Variants in CECR2 observed in about 807,000 individuals in gnomAD.
CECR2 encodes chromatin remodeling regulator CECR2.
Under a neutral mutation model 154.5 loss-of-function variants are expected in CECR2, and 30 were observed. The observed-to-expected ratio is 0.19, with a 90% CI of 0.15 to 0.26. The LOEUF (loss-of-function observed/expected upper bound fraction) is 0.26, where lower values mean the gene tolerates loss of function less well. Ranked by LOEUF, CECR2 falls within the 10% of genes least tolerant of loss-of-function variation. The probability of loss-of-function intolerance (pLI) is 1.00; values close to 1 mark genes in which losing one functional copy is unlikely to be tolerated. For synonymous variants in CECR2, 725 were observed against 683.7 expected (o/e 1.06, Z -0.94); for missense variants, 1,743 against 1,829.3 (o/e 0.95, Z 0.86).
At chr22:17,492,103 T>G (rs2055543373) in intron 2 of CECR2, among the ~76,000 whole-genome samples, 1 of 152,224 alleles carries the variant, frequency 6.6e-6, no homozygotes, top group African/African-American at 2.4e-5. Context: ...ACCAGAATAT[T>G]TATCTCAATT....
chr22:17,452,525 T>C (rs2054787867), intron 1 of CECR2, among the ~76,000 whole-genome samples: 2 of 152,156 alleles, frequency 1.3e-5, no homozygotes, highest in South Asian at 2.1e-4. Flanking sequence ...AAGGTGGATT[T>C]GCTGGACTGG....
intron 2 of CECR2, among the ~76,000 whole-genome samples, chr22:17,485,557 T>C (rs2055406089): frequency 6.6e-6 from 1 of 152,096 alleles, no homozygotes; most frequent in Non-Finnish European, 1.5e-5. Context: ...TCACATGAAC[T>C]CAGGAGTTCG....
chr22:17,528,154 C>T (rs1344793572), intron 9 of CECR2, among the ~76,000 whole-genome samples: 1 of 152,118 alleles, frequency 6.6e-6, no homozygotes, highest in African/African-American at 2.4e-5. Context: ...TGGAAGCAAC[C>T]TAAGTGTCCG....
rs1452499459 is a variant in CECR2 at position 17,536,973 on chromosome 22, C to A, written c.1109-130C>A. On this transcript the variant is annotated intron_variant, in intron 9 of 18. Coordinates refer to ENST00000262608, the MANE Select transcript of CECR2 (RefSeq NM_001290047.2). ...CCTAATTACCAAAAAGAGGGTGGCA[C>A]AGGGAGCAGAAGTTGCTTCATAATC... is the stretch of plus-strand genomic sequence containing the variant. The A allele has an allele frequency of 3.0e-6, 3 of 1,011,028 alleles. No individual in the cohort carries two copies. In the African/African-American group the frequency reaches 4.9e-5, roughly 17 times the overall value. The allele number at this position is 1,011,028 out of a possible 1,614,324, so 62.6% of individuals were successfully genotyped here.
At chr22:17,513,759 C>T (rs914308034) in intron 8 of CECR2, among the ~76,000 whole-genome samples, 8 of 152,176 alleles carry the variant, frequency 5.3e-5, no homozygotes, top group African/African-American at 1.7e-4. Flanking sequence ...ATTACCTTGA[C>T]AGTTCACACC....
intron 16 of CECR2, among the ~76,000 whole-genome samples, chr22:17,547,870 G>A (rs77682729): frequency 0.024 from 3,588 of 152,220 alleles, 142 homozygotes; most frequent in African/African-American, 0.08. Flanking sequence ...AGCCTCTTAC[G>A]AATCGGGCAA....
chr22:17,400,699 G>A (rs1345635915), intron 1 of CECR2, among the ~76,000 whole-genome samples: 1 of 152,186 alleles, frequency 6.6e-6, no homozygotes, highest in East Asian at 1.9e-4. Flanking sequence ...GCTTATCCAG[G>A]TAATTGGGAT....
chr22:17,529,596 A>C (rs1021036414), intron 9 of CECR2, among the ~76,000 whole-genome samples: 5 of 151,806 alleles, frequency 3.3e-5, no homozygotes, highest in African/African-American at 1.2e-4. Context: ...GCTACTCGGG[A>C]GGCTGAGGCG....
intron 2 of CECR2, among the ~76,000 whole-genome samples, chr22:17,497,072 T>C (rs2055642940): frequency 6.6e-6 from 1 of 152,128 alleles, no homozygotes; most frequent in Non-Finnish European, 1.5e-5. Flanking sequence ...GGCGGGCGGA[T>C]CGTGTGAGCC....
intron 1 of CECR2, among the ~76,000 whole-genome samples, chr22:17,416,771 G>A (rs2054161552): frequency 6.6e-6 from 1 of 152,080 alleles, no homozygotes; most frequent in Admixed American, 6.6e-5. Flanking sequence ...CAAAGTGCTG[G>A]GATTACAGGT....
At position 17,389,427 on chromosome 22, in the gene CECR2, C is replaced by T. The variant is rs904883706; in HGVS notation, c.126+19518C>T. On this transcript the variant is annotated intron_variant, in intron 1 of 18. Transcript: ENST00000262608. ...TTCTACACTGAGAATAAGTTGAAGA[C>T]GTGATACCTTTCACTCCTTGACATT... is the stretch of plus-strand genomic sequence containing the variant. Among the ~76,000 whole-genome samples, 15 of 152,178 alleles carry T rather than the reference C, an allele frequency of 9.9e-5. No homozygotes were observed. The East Asian group carries it at 1.9e-3, about 20-fold the overall frequency.
intron 7 of CECR2, among the ~76,000 whole-genome samples, 187 bp from the exon 8 acceptor site, chr22:17,511,626 G>C (rs1321849321): frequency 1.3e-5 from 2 of 151,498 alleles, no homozygotes; most frequent in African/African-American, 4.9e-5. Context: ...ATTTTTTCAA[G>C]AGAATAAACT....
At chr22:17,467,517 C>T (rs2055053317) in intron 1 of CECR2, among the ~76,000 whole-genome samples, 1 of 152,160 alleles carries the variant, frequency 6.6e-6, no homozygotes, top group Admixed American at 6.5e-5. Context: ...GGTGCGGTGG[C>T]TCACACCTGT....
At chr22:17,385,401 T>C (rs1446805515) in intron 1 of CECR2, among the ~76,000 whole-genome samples, 2 of 152,116 alleles carry the variant, frequency 1.3e-5, no homozygotes, top group South Asian at 2.1e-4. Flanking sequence ...TTAAAGGCCA[T>C]TGTAGGATTA....
chr22:17,499,118 T>C (rs1473108544), intron 3 of CECR2, among the ~76,000 whole-genome samples: 3 of 151,938 alleles, frequency 2.0e-5, no homozygotes, highest in South Asian at 4.2e-4. Flanking sequence ...GCCTCCCGAG[T>C]AGCTGGGATT....
intron 1 of CECR2, among the ~76,000 whole-genome samples, chr22:17,454,604 C>CA (rs533818885): frequency 0.21 from 18,780 of 88,132 alleles, 1,984 homozygotes; most frequent in East Asian, 0.47. Flanking sequence ...GACTCCGTCT[C>CA]AAAAAAAAAA....
upstream of CECR2, among the ~76,000 whole-genome samples, chr22:17,365,231 A>G (rs1569033241): frequency 1.3e-5 from 2 of 152,084 alleles, no homozygotes; most frequent in Non-Finnish European, 2.9e-5. Context: ...TCTAAAAAAA[A>G]GGAAAAAGAA....
rs80351585 is a variant in CECR2 at position 17,411,754 on chromosome 22, G to T, written c.126+41845G>T. Among the ~76,000 whole-genome samples, 1,358 of 152,220 alleles carry T rather than the reference G, an allele frequency of 8.9e-3. 58 individuals are homozygous for T. The East Asian group carries it at 0.14, about 16-fold the overall frequency. On this transcript the variant is annotated intron_variant, in intron 1 of 18. Coordinates refer to ENST00000262608, the MANE Select transcript of CECR2 (RefSeq NM_001290047.2). Reference sequence around the variant, plus strand: ...TTGTAAACATTTTAGGAAATTGAGAGAAGCAAAAAGAAAATAATTATAATT... The same window carrying T: ...TTGTAAACATTTTAGGAAATTGAGATAAGCAAAAAGAAAATAATTATAATT...
intron 1 of CECR2, among the ~76,000 whole-genome samples, chr22:17,427,240 A>C (rs1424411546): frequency 1.3e-5 from 2 of 151,768 alleles, no homozygotes; most frequent in Non-Finnish European, 2.9e-5. Flanking sequence ...TATGTGCCAC[A>C]TTTTCTTTAT....
Sources: gnomAD v4.1 joint callset for allele counts (sites outside exome capture counted in the v4.1 genomes callset) on GRCh38, gnomAD v4.1.1 for gene constraint, MANE v1.5 for transcripts, NCBI Gene and HGNC (gene_info 2026-07-23, HGNC 2026-07-21) for gene names.